Variants in CHN1 observed in about 807,000 individuals in gnomAD.
CHN1 encodes the protein chimerin 1.
A neutral mutation model predicts 59.5 loss-of-function variants in CHN1; 37 were observed. That is an observed-to-expected ratio of 0.62 (90% CI 0.48 to 0.82). The LOEUF is 0.82. CHN1 is among the 40% of genes least tolerant of loss of function. CHN1 has a pLI of 0.00. For synonymous variants in CHN1, 206 were observed against 200.4 expected, an observed-to-expected ratio of 1.03 and a Z score of -0.24; for missense variants, 469 against 571.0, an observed-to-expected ratio of 0.82 and a Z score of 1.82.
Position 174,803,081 on chromosome 2 carries a change from G to A in CHN1, c.1103-1269C>T, listed in dbSNP as rs540169237. On this transcript the variant is annotated intron_variant, in intron 11 of 12. Coordinates refer to ENST00000409900, the MANE Select transcript of CHN1 (RefSeq NM_001822.7). Reference sequence around the variant, plus strand: ...AGGTGGGTTTCAAGGTAATTTCAATGAGACTCCATGCTGCTGAGTCCTAAT... The same window carrying A: ...AGGTGGGTTTCAAGGTAATTTCAATAAGACTCCATGCTGCTGAGTCCTAAT... Among the ~76,000 whole-genome samples, 180 of 152,202 alleles carry A rather than the reference G, an allele frequency of 1.2e-3. 1 individual carries two copies. Among genetic ancestry groups the A allele is most frequent in the African/African-American group, 4.1e-3 (169 of 41,532 alleles).
At chr2:174,835,422 A>T (rs1020662427) in intron 7 of CHN1, among the ~76,000 whole-genome samples, 4 of 152,006 alleles carry the variant, frequency 2.6e-5, no homozygotes, top group Non-Finnish European at 2.9e-5. Flanking sequence ...TGGATCTGTG[A>T]CTTTTCATCA....
chr2:174,909,721 A>C (rs1688636257), intron 5 of CHN1, among the ~76,000 whole-genome samples: 2 of 152,220 alleles, frequency 1.3e-5, no homozygotes. Flanking sequence ...TACATTTCTG[A>C]ACTTAGTATG....
chr2:174,897,235 T>C (rs559480698), intron 5 of CHN1, among the ~76,000 whole-genome samples: 1 of 152,302 alleles, frequency 6.6e-6, no homozygotes, highest in South Asian at 2.1e-4. Context: ...AGCAATATCT[T>C]ATTGTGTACA....
intron 5 of CHN1, among the ~76,000 whole-genome samples, chr2:174,880,346 C>T (rs1687695688): frequency 1.3e-5 from 2 of 152,200 alleles, no homozygotes; most frequent in South Asian, 4.1e-4. Context: ...CTTTCCTGGC[C>T]TACTCTGAAC....
intron 5 of CHN1, among the ~76,000 whole-genome samples, chr2:174,897,451 G>A (rs193032902): frequency 3.3e-5 from 5 of 150,652 alleles, no homozygotes; most frequent in South Asian, 2.1e-4. Context: ...GTGTATATAC[G>A]TATATATAAA....
intron 3 of CHN1, chr2:174,920,893 T>A (rs574726912): frequency 1.6e-4 from 68 of 414,678 alleles, no homozygotes; most frequent in Non-Finnish European, 2.7e-4. Flanking sequence ...GAGCTTGTTT[T>A]CCTGCAACTA....
chr2:174,873,548 C>G (rs1015286586), intron 6 of CHN1, among the ~76,000 whole-genome samples: 7 of 152,162 alleles, frequency 4.6e-5, no homozygotes, highest in African/African-American at 1.7e-4. Flanking sequence ...GAAGACTTGC[C>G]TTGTGAGAGA....
chr2:174,840,642 A>G (rs1686267635), intron 7 of CHN1, among the ~76,000 whole-genome samples: 1 of 152,216 alleles, frequency 6.6e-6, no homozygotes, highest in South Asian at 2.1e-4. Flanking sequence ...TTGAGGGATG[A>G]GCAAGGAGGA....
intron 5 of CHN1, among the ~76,000 whole-genome samples, chr2:174,890,208 C>T (rs1364633317): frequency 6.6e-6 from 1 of 151,998 alleles, no homozygotes; most frequent in African/African-American, 2.4e-5. Flanking sequence ...AACACACAAG[C>T]CAAGAGTGAA....
intron 8 of CHN1, among the ~76,000 whole-genome samples, chr2:174,814,793 T>C (rs140512752): frequency 5.9e-5 from 9 of 152,296 alleles, no homozygotes; most frequent in African/African-American, 2.2e-4. Context: ...TTCATATTTG[T>C]CAGATGTGGA....
intron 1 of CHN1, among the ~76,000 whole-genome samples, chr2:174,985,962 A>G (rs1174830222): frequency 6.6e-6 from 1 of 152,220 alleles, no homozygotes; most frequent in Non-Finnish European, 1.5e-5. Context: ...ATAAATGTTC[A>G]ATACAATATT....
intron 1 of CHN1, among the ~76,000 whole-genome samples, chr2:174,983,200 T>C (rs969663498): frequency 2.0e-5 from 3 of 152,244 alleles, no homozygotes; most frequent in African/African-American, 7.2e-5. Flanking sequence ...TTATGATTGC[T>C]GTATTTTACT....
At chr2:174,809,840 T>G (rs1685017225) in intron 10 of CHN1, among the ~76,000 whole-genome samples, 1 of 152,212 alleles carries the variant, frequency 6.6e-6, no homozygotes, top group Non-Finnish European at 1.5e-5. Context: ...GATGAGATTT[T>G]ATTTGTTTTG....
At chr2:174,908,680 T>G (rs1343318970) in intron 5 of CHN1, among the ~76,000 whole-genome samples, 1 of 152,230 alleles carries the variant, frequency 6.6e-6, no homozygotes, top group Non-Finnish European at 1.5e-5. Context: ...AATGTCTTCT[T>G]TCTTGACCCA....
chr2:174,912,951 C>T (rs1400666075), intron 5 of CHN1, among the ~76,000 whole-genome samples: 1 of 152,112 alleles, frequency 6.6e-6, no homozygotes, highest in Non-Finnish European at 1.5e-5. Context: ...ACATTTCCAT[C>T]AAGATTTACT....
intron 7 of CHN1, among the ~76,000 whole-genome samples, chr2:174,834,490 A>G (rs1331002253): frequency 6.6e-6 from 1 of 150,822 alleles, no homozygotes; most frequent in Non-Finnish European, 1.5e-5. Context: ...TTAAAAAAAT[A>G]AATATTTTCT....
intron 1 of CHN1, among the ~76,000 whole-genome samples, chr2:174,969,387 A>C (rs1690685687): frequency 6.6e-6 from 1 of 152,232 alleles, no homozygotes; most frequent in South Asian, 2.1e-4. Context: ...CATTTTCACA[A>C]GACCAAGTCA....
chr2:174,888,075 T>A (rs989223432), intron 5 of CHN1, among the ~76,000 whole-genome samples: 1 of 152,164 alleles, frequency 6.6e-6, no homozygotes, highest in Non-Finnish European at 1.5e-5. Flanking sequence ...TTAATAACTA[T>A]ATGATCAAAA....
Position 174,842,373 on chromosome 2 carries a change from T to C in CHN1, c.627+4507A>G, listed in dbSNP as rs149329263. Among the ~76,000 whole-genome samples, 1,194 of 152,302 alleles carry C rather than the reference T, an allele frequency of 7.8e-3. 11 individuals are homozygous for C. The highest frequency in any genetic ancestry group is 0.027 in the African/African-American group (1,139 of 41,560). ...ATATATAGTTAATTTTAGTTCCTTT[T>C]CAAATCAACGTATTGAAAATTTGTC... On this transcript the variant is annotated intron_variant, in intron 7 of 12. Transcript: ENST00000409900.
Sources: gnomAD v4.1 joint callset for allele counts (sites outside exome capture counted in the v4.1 genomes callset) on GRCh38, gnomAD v4.1.1 for gene constraint, MANE v1.5 for transcripts, NCBI Gene and HGNC (gene_info 2026-07-23, HGNC 2026-07-21) for gene names.